AGBL4: variants seen among roughly 807,000 people sequenced by gnomAD.
AGBL4 encodes the protein AGBL carboxypeptidase 4.
AGBL4 carries 58 observed loss-of-function variants against 66.4 expected under a neutral mutation model. The ratio of observed to expected loss-of-function variants is 0.87; its 90% CI spans 0.71 to 1.09. The LOEUF is 1.09. Among genes scored for constraint, AGBL4 ranks in the 50% least tolerant of loss-of-function variants. The pLI is 0.00. For missense variants in AGBL4, 579 were observed against 631.0 expected, an observed-to-expected ratio of 0.92 and a Z score of 0.88; for synonymous variants, 234 against 222.9, an observed-to-expected ratio of 1.05 and a Z score of -0.44.
chr1:48,885,889 T>C (rs1365033489), intron 5 of AGBL4, among the ~76,000 whole-genome samples: 1 of 152,228 alleles, frequency 6.6e-6, no homozygotes, highest in African/African-American at 2.4e-5. Flanking sequence ...CCCAATCTAC[T>C]GTAGATGGCA....
chr1:49,945,556 C>T (rs1452749294), intron 1 of AGBL4, among the ~76,000 whole-genome samples: 2 of 152,002 alleles, frequency 1.3e-5, no homozygotes, highest in Non-Finnish European at 2.9e-5. Context: ...ACAAGAACTG[C>T]TAAAAAGAGC....
chr1:48,685,101 G>C, intron 6 of AGBL4, among the ~76,000 whole-genome samples: 1 of 152,202 alleles, frequency 6.6e-6, no homozygotes, highest in East Asian at 1.9e-4. Flanking sequence ...GGAGGGGCCA[G>C]CCCTCCTCAG....
At chr1:48,922,522 A>G (rs1409354405) in intron 5 of AGBL4, among the ~76,000 whole-genome samples, 5 of 152,192 alleles carry the variant, frequency 3.3e-5, no homozygotes, top group African/African-American at 1.2e-4. Flanking sequence ...ATGACAACTC[A>G]GTGGCATTCA....
chr1:48,902,538 G>A (rs1431632004), intron 5 of AGBL4, among the ~76,000 whole-genome samples: 1 of 152,158 alleles, frequency 6.6e-6, no homozygotes, highest in Non-Finnish European at 1.5e-5. Context: ...GTGCAGTGGT[G>A]ACGAGTGAGG....
At position 48,612,965 on chromosome 1, in the gene AGBL4, C is replaced by T. The variant is rs372329964; in HGVS notation, c.951+21528G>A. Reference sequence around the variant, plus strand: ...CCTGACCAACGTGGCAAAACCCCATCTCTACTAAAAATACAAAAATTAAGC... The same window carrying T: ...CCTGACCAACGTGGCAAAACCCCATTTCTACTAAAAATACAAAAATTAAGC... On this transcript the variant is annotated intron_variant, in intron 9 of 13. Transcript: ENST00000371839. Among the ~76,000 whole-genome samples, 264 of 152,286 alleles carry T rather than the reference C, an allele frequency of 1.7e-3. 7 individuals are homozygous for T. In the South Asian group the frequency reaches 0.038, roughly 22 times the overall value.
At chr1:49,964,014 T>C (rs1303899245) in intron 1 of AGBL4, among the ~76,000 whole-genome samples, 3 of 152,082 alleles carry the variant, frequency 2.0e-5, no homozygotes, top group Admixed American at 6.6e-5. Context: ...AAAAGAAATA[T>C]TGAATTAAAG....
rs558751093 is a variant in AGBL4 at position 49,057,267 on chromosome 1, A to T, written c.378-11467T>A. 3.3e-5 allele frequency among the ~76,000 whole-genome samples: 5 copies of T among 152,230 alleles called. No individual in the cohort carries two copies. The South Asian group carries it at 1.0e-3, about 32-fold the overall frequency. On this transcript the variant is annotated intron_variant, in intron 4 of 13. Transcript: ENST00000371839. Reference sequence around the variant, plus strand: ...AGAGAAAAGAAAAGAAAAATATAAAAGTTAGCCAGGTGCGGTGGCACGAAC... The same window carrying T: ...AGAGAAAAGAAAAGAAAAATATAAATGTTAGCCAGGTGCGGTGGCACGAAC...
rs371431781 is a variant in AGBL4 at position 49,004,451 on chromosome 1, G to C, written c.594+41133C>G. ...TGGCATATAAAAATTATCTCTCATAGAGCTGGCCCAGAGCAGGTGCTCAAT... is the reference window on the plus strand; with the variant it reads ...TGGCATATAAAAATTATCTCTCATACAGCTGGCCCAGAGCAGGTGCTCAAT... On this transcript the variant is annotated intron_variant, in intron 5 of 13. Transcript: ENST00000371839. Among the ~76,000 whole-genome samples the C allele has an allele frequency of 2.0e-5, 3 of 152,182 alleles. No homozygotes were observed. The East Asian group carries it at 5.8e-4, about 29-fold the overall frequency.
chr1:48,624,889 GGTGT>G (rs56678913), intron 9 of AGBL4, among the ~76,000 whole-genome samples: 4,234 of 147,510 alleles, frequency 0.029, 89 homozygotes, highest in African/African-American at 0.059. Flanking sequence ...GTTAATTCCA[GGTGT>G]GTGTGTGTGT....
chr1:49,783,323 T>C (rs1160450349), intron 2 of AGBL4, among the ~76,000 whole-genome samples: 1 of 152,164 alleles, frequency 6.6e-6, no homozygotes. Flanking sequence ...TAAAAAGGAT[T>C]GATATCATTA....
At chr1:48,727,769 G>A (rs556023926) in intron 6 of AGBL4, 27 of 990,116 alleles carry the variant, frequency 2.7e-5, no homozygotes, top group African/African-American at 4.9e-5. Flanking sequence ...CCCAGAACCC[G>A]ATGGATCCCT....
At chr1:49,633,881 A>G (rs950512927) in intron 3 of AGBL4, among the ~76,000 whole-genome samples, 2 of 115,470 alleles carry the variant, frequency 1.7e-5, no homozygotes, top group African/African-American at 5.0e-5. Context: ...AATTTATGAA[A>G]TATATTATTG....
intron 6 of AGBL4, among the ~76,000 whole-genome samples, chr1:48,745,544 C>G (rs1650602726): frequency 6.6e-6 from 1 of 152,180 alleles, no homozygotes; most frequent in African/African-American, 2.4e-5. Context: ...TGGCCTAACC[C>G]TCTCCACACA....
chr1:49,184,408 A>G (rs1458354715), intron 4 of AGBL4, among the ~76,000 whole-genome samples: 4 of 152,200 alleles, frequency 2.6e-5, no homozygotes, highest in African/African-American at 9.7e-5. Flanking sequence ...TATAGTGTAC[A>G]TTGGCAAATT....
intron 4 of AGBL4, among the ~76,000 whole-genome samples, chr1:49,049,948 C>T (rs1644173869): frequency 6.6e-6 from 1 of 152,066 alleles, no homozygotes; most frequent in South Asian, 2.1e-4. Flanking sequence ...TCTCAACAAT[C>T]CTCTGAAGTT....
chr1:49,894,096 T>C (rs567463082), intron 1 of AGBL4, among the ~76,000 whole-genome samples: 4 of 152,296 alleles, frequency 2.6e-5, no homozygotes, highest in African/African-American at 4.8e-5. Context: ...ATTCAGAGAA[T>C]TGTCTGAATC....
At chr1:49,728,850 G>C (rs537278626) in intron 2 of AGBL4, among the ~76,000 whole-genome samples, 14 of 152,270 alleles carry the variant, frequency 9.2e-5, no homozygotes, top group Admixed American at 7.8e-4. Flanking sequence ...CAAAGGGCAG[G>C]CTTGTACTCT....
intron 1 of AGBL4, among the ~76,000 whole-genome samples, chr1:49,856,651 G>A (rs926333859): frequency 6.6e-6 from 1 of 151,996 alleles, no homozygotes; most frequent in Non-Finnish European, 1.5e-5. Flanking sequence ...AATAGATAAA[G>A]AAAATGCACT....
chr1:49,273,499 A>T (rs1181508990), intron 3 of AGBL4, among the ~76,000 whole-genome samples: 1 of 150,554 alleles, frequency 6.6e-6, no homozygotes, highest in Non-Finnish European at 1.5e-5. Context: ...GAGGTTATAC[A>T]AGAGTTTATC....
Sources: allele counts gnomAD v4.1 joint callset (sites outside exome capture counted in the v4.1 genomes callset), GRCh38; gene constraint gnomAD v4.1.1; transcripts MANE v1.5; gene names NCBI Gene and HGNC (gene_info 2026-07-23, HGNC 2026-07-21).